The following OTUD7A variants were observed in gnomAD, a reference collection of about 807,000 sequenced individuals.
The protein encoded by OTUD7A is OTU domain-containing protein 7A.
A neutral mutation model predicts 65.7 loss-of-function variants in OTUD7A; 12 were observed. The observed-to-expected ratio is 0.18, with a 90% CI of 0.12 to 0.30. OTUD7A has a LOEUF of 0.30. Ranked by LOEUF, OTUD7A falls within the 10% of genes least tolerant of loss-of-function variation. OTUD7A has a pLI of 1.00. For synonymous variants in OTUD7A, 641 were observed against 586.3 expected (o/e 1.09, Z -1.35); for missense variants, 1,148 against 1,304.8 (o/e 0.88, Z 1.85).
At chr15:31,674,575 C>T (rs1166508142) in intron 1 of OTUD7A, among the ~76,000 whole-genome samples, 16 of 152,122 alleles carry the variant, frequency 1.1e-4, no homozygotes, top group Admixed American at 7.2e-4. Flanking sequence ...AGACAAAATT[C>T]CTAGCACCCA....
At chr15:31,596,712 C>A (rs1889914391) in intron 3 of OTUD7A, among the ~76,000 whole-genome samples, 1 of 151,924 alleles carries the variant, frequency 6.6e-6, no homozygotes, top group African/African-American at 2.4e-5. Flanking sequence ...GTTCTAATTT[C>A]TATTTGCCTG....
intron 7 of OTUD7A, 26 bp from the exon 8 acceptor site, chr15:31,526,487 G>T (rs373124848): frequency 4.6e-6 from 7 of 1,526,500 alleles, no homozygotes; most frequent in Admixed American, 3.8e-5. Context: ...CGGCTCAGAA[G>T]GGGGGTGGGC....
chr15:31,536,094 A>G (rs1271857758), intron 5 of OTUD7A, among the ~76,000 whole-genome samples: 2 of 152,250 alleles, frequency 1.3e-5, no homozygotes, highest in East Asian at 3.8e-4. Flanking sequence ...AGAGAAATAC[A>G]GGAAACAGGA....
rs1891563965 is a variant in OTUD7A, at chr15:31,643,072, C to T, written c.151+12024G>A. On this transcript the variant is annotated intron_variant, in intron 3 of 12. Transcript: ENST00000307050. ...AATCATTTTTTCCTATTGTTCATGC[C>T]TCTCCTTCAAGGATTCCAATTACAC... Among the ~76,000 whole-genome samples the T allele has an allele frequency of 3.3e-5, 5 of 151,864 alleles. No individual in the cohort carries two copies. In the South Asian group the frequency reaches 1.0e-3, roughly 32 times the overall value.
intron 1 of OTUD7A, among the ~76,000 whole-genome samples, chr15:31,804,264 C>T (rs1383127958): frequency 1.3e-5 from 2 of 152,152 alleles, no homozygotes; most frequent in Non-Finnish European, 2.9e-5. Context: ...CTCCCCCTGG[C>T]ATTGCTACCA....
intron 1 of OTUD7A, among the ~76,000 whole-genome samples, chr15:31,760,106 T>C (rs1410338153): frequency 6.6e-6 from 1 of 152,220 alleles, no homozygotes; most frequent in East Asian, 1.9e-4. Context: ...GTCTCCCTTA[T>C]AACTTTGCTA....
chr15:31,779,214 C>T (rs1181162478), intron 1 of OTUD7A, among the ~76,000 whole-genome samples: 2 of 152,158 alleles, frequency 1.3e-5, no homozygotes, highest in East Asian at 1.9e-4. Flanking sequence ...CCTGGAGTCC[C>T]TGGGTTCCAT....
At position 31,478,459 on chromosome 15, in the gene OTUD7A, T is replaced by C. The variant is rs2041059427; in HGVS notation, c.*4835A>G. ...AGTGAGGCCCCCTTTTTTGGCAAGA[T>C]TAAAATAGCAAAAATGCAATTTTCA... On this transcript the variant is annotated 3_prime_UTR_variant, in exon 13 of 13. Transcript: ENST00000307050. 1 of 152,192 alleles carries C rather than the reference T, an allele frequency of 6.6e-6. No homozygotes were observed. The highest frequency in any genetic ancestry group is 2.4e-5 in the African/African-American group (1 of 41,448). 9.4% of individuals were successfully genotyped at this position (152,192 alleles called of 1,614,324 possible).
At chr15:31,535,618 TG>T (rs1324619361) in intron 5 of OTUD7A, among the ~76,000 whole-genome samples, 2 of 151,700 alleles carry the variant, frequency 1.3e-5, no homozygotes, top group African/African-American at 4.8e-5. Flanking sequence ...CTAACACATC[TG>T]GGACTGTGTC....
chr15:31,797,404 G>A (rs1375836085), intron 1 of OTUD7A, among the ~76,000 whole-genome samples: 3 of 152,134 alleles, frequency 2.0e-5, no homozygotes, highest in Non-Finnish European at 4.4e-5. Context: ...GTAGACTGGC[G>A]GTCACCTCTC....
chr15:31,501,400 C>T (rs2041462648), intron 10 of OTUD7A, among the ~76,000 whole-genome samples: 1 of 152,116 alleles, frequency 6.6e-6, no homozygotes, highest in Admixed American at 6.5e-5. Context: ...AATTGCATTC[C>T]TATAAAATAT....
intron 10 of OTUD7A, among the ~76,000 whole-genome samples, chr15:31,492,993 G>T (rs1208961109): frequency 6.6e-6 from 1 of 152,038 alleles, no homozygotes; most frequent in Non-Finnish European, 1.5e-5. Flanking sequence ...ATCACTTGAG[G>T]TCAGGGGTTC....
chr15:31,746,348 C>T (rs897502697), intron 1 of OTUD7A, among the ~76,000 whole-genome samples: 2 of 152,064 alleles, frequency 1.3e-5, no homozygotes, highest in Non-Finnish European at 2.9e-5. Context: ...TACATACACA[C>T]ACCACATACA....
chr15:31,515,362 C>T (rs1006357760), intron 8 of OTUD7A, among the ~76,000 whole-genome samples: 3 of 152,154 alleles, frequency 2.0e-5, no homozygotes, highest in Non-Finnish European at 4.4e-5. Context: ...ATGGTAACAA[C>T]AGCGTGAAGG....
intron 5 of OTUD7A, 143 bp from the exon 6 acceptor site, chr15:31,530,951 C>G (rs2042077602): frequency 1.8e-6 from 1 of 556,308 alleles, no homozygotes; most frequent in Non-Finnish European, 3.1e-6. Context: ...CTTCTCTCCT[C>G]AAATAAAATA....
intron 8 of OTUD7A, among the ~76,000 whole-genome samples, chr15:31,516,917 C>T (rs2041867077): frequency 1.3e-5 from 2 of 152,104 alleles, no homozygotes; most frequent in Non-Finnish European, 2.9e-5. Context: ...CCCATTGTGG[C>T]GGTGGATTGA....
chr15:31,683,645 T>C (rs1007141065), intron 1 of OTUD7A, among the ~76,000 whole-genome samples: 1 of 152,138 alleles, frequency 6.6e-6, no homozygotes, highest in African/African-American at 2.4e-5. Flanking sequence ...ACATCTACTA[T>C]ACACCCACAG....
chr15:31,731,033 T>C (rs1566992595), intron 1 of OTUD7A, among the ~76,000 whole-genome samples: 2 of 152,216 alleles, frequency 1.3e-5, no homozygotes, highest in Non-Finnish European at 2.9e-5. Flanking sequence ...TCCCTAATAG[T>C]TGAAATGATC....
chr15:31,590,992 A>G (rs1889706062), intron 3 of OTUD7A, among the ~76,000 whole-genome samples: 1 of 152,150 alleles, frequency 6.6e-6, no homozygotes, highest in South Asian at 2.1e-4. Flanking sequence ...AAGAGGTAAG[A>G]CAGACATGGG....
Sources: gnomAD v4.1 joint callset for allele counts (sites outside exome capture counted in the v4.1 genomes callset) on GRCh38, gnomAD v4.1.1 for gene constraint, MANE v1.5 for transcripts, NCBI Gene and HGNC (gene_info 2026-07-23, HGNC 2026-07-21) for gene names.